Variants in PSTPIP1 observed in about 807,000 individuals in gnomAD.
PSTPIP1 encodes the protein proline-serine-threonine phosphatase-interacting protein 1.
PSTPIP1 carries 66 observed loss-of-function variants against 69.6 expected under a neutral mutation model. The observed-to-expected ratio is 0.95, with a 90% CI of 0.78 to 1.16. PSTPIP1 has a LOEUF of 1.16. Ranked by LOEUF, PSTPIP1 falls within the 50% of genes most tolerant of loss-of-function variation. The pLI is 0.00. For missense variants in PSTPIP1, 603 were observed against 557.4 expected (o/e 1.08, Z -0.82); for synonymous variants, 266 against 222.7 (o/e 1.19, Z -1.73).
At chr15:77,017,224 C>T (rs780442836) in intron 1 of PSTPIP1, among the ~76,000 whole-genome samples, 3 of 152,106 alleles carry the variant, frequency 2.0e-5, no homozygotes, top group Non-Finnish European at 4.4e-5. Flanking sequence ...TCCTGGGAGA[C>T]CTCTGTTCCT....
chr15:77,027,939 G>C lies in PSTPIP1; in HGVS notation c.417+25G>C. Reference sequence around the variant, plus strand: ...GGTGAGCGCCAGGGCCTGGGGCCGCGGCCTTCCCTCGAGGAGCAGCGCAGG... The same window carrying C: ...GGTGAGCGCCAGGGCCTGGGGCCGCCGCCTTCCCTCGAGGAGCAGCGCAGG... On this transcript the variant is annotated intron_variant, in intron 6 of 14. Transcript: ENST00000558012. This position sits in a 1 kb window ranked among gnomAD's most constrained non-coding sequence, Gnocchi z 4.3. 6.5e-7 allele frequency: 1 copy of C among 1,539,412 alleles called. No individual in the cohort carries two copies. The highest frequency in any genetic ancestry group is 1.2e-5 in the South Asian group (1 of 83,732).
intron 1 of PSTPIP1, among the ~76,000 whole-genome samples, chr15:77,012,192 CCTGTCCATCCATCCATCCGTCCACCCAT>C (rs1568492676): frequency 8.3e-6 from 1 of 120,110 alleles, no homozygotes; most frequent in Admixed American, 8.9e-5. Context: ...CACCCATCCA[CCTGTCCATCCATCCATCCGTCCACCCAT>C]CTGTCCATCC....
chr15:77,011,108 T>C (rs2075926104), intron 1 of PSTPIP1, among the ~76,000 whole-genome samples: 1 of 152,176 alleles, frequency 6.6e-6, no homozygotes, highest in Non-Finnish European at 1.5e-5. Context: ...GAACAAAGCT[T>C]TCAAGCCAGA....
At chr15:77,002,025 A>G (rs1433891859) in intron 1 of PSTPIP1, among the ~76,000 whole-genome samples, 1 of 152,258 alleles carries the variant, frequency 6.6e-6, no homozygotes, top group East Asian at 1.9e-4. Flanking sequence ...TTCAAGTCCC[A>G]TGAAGAATTT....
chr15:77,035,610 G>A (rs891360902), intron 13 of PSTPIP1, 47 bp downstream of exon 13: 4 of 1,538,802 alleles, frequency 2.6e-6, no homozygotes, highest in African/African-American at 1.4e-5. Flanking sequence ...ATCCTGGGGG[G>A]GAGGAGAGGT....
At chr15:77,021,051 G>A (rs62007212) in intron 3 of PSTPIP1, among the ~76,000 whole-genome samples, 30,079 of 152,152 alleles carry the variant, frequency 0.2, 3,089 homozygotes, top group South Asian at 0.24. Flanking sequence ...AACGGGCAGG[G>A]GACTGGGGGA....
At position 77,031,185 on chromosome 15, in the gene PSTPIP1, T is replaced by C. The variant is rs763249966; in HGVS notation, c.648T>C (p.Phe216=). Residue 216 remains phenylalanine, a synonymous_variant, in exon 10 of 15, where the codon TTT becomes TTC. Coordinates refer to ENST00000558012, the MANE Select transcript of PSTPIP1 (RefSeq NM_003978.5). ...CTCCCTCCCACTGCCCCCAGGCCTT[T>C]CAGCTGCAAGAGTTTGACCGGCTGA... ...EQEHRTTCEA[F]QLQEFDRLTI... is the part of the protein sequence containing the mutation. 5.0e-6 allele frequency: 8 copies of C among 1,612,312 alleles called. No individual in the cohort carries two copies. Among genetic ancestry groups the C allele is most frequent in the Admixed American group, 1.7e-5 (1 of 59,982 alleles).
In PSTPIP1 at chr15:76,995,509, G is replaced by T. The variant is rs771119941; in HGVS notation, c.-65G>T. On this transcript the variant is annotated 5_prime_UTR_variant, in exon 1 of 15. Transcript: ENST00000558012. ...CCAGGACTGGGACGCTGCTGCTGGC[G>T]CCTGGCCCTCCATCAGGCCAGCCTG... 3.7e-6 allele frequency: 6 copies of T among 1,612,604 alleles called. No homozygotes were observed. Among genetic ancestry groups the T allele is most frequent in the South Asian group, 1.1e-5 (1 of 90,994 alleles).
intron 1 of PSTPIP1, among the ~76,000 whole-genome samples, chr15:77,002,420 C>T (rs546806361): frequency 1.3e-5 from 2 of 152,348 alleles, no homozygotes; most frequent in African/African-American, 4.8e-5. Context: ...CAAGTCAATA[C>T]AGAGTACCTT....
chr15:77,029,379 T>C, intron 7 of PSTPIP1, 150 bp from the exon 8 acceptor site: 1 of 836,284 alleles, frequency 1.2e-6, no homozygotes, highest in South Asian at 1.7e-5. Context: ...GGGCGGAGGT[T>C]GCTTGTGGAT....
intron 12 of PSTPIP1, among the ~76,000 whole-genome samples, chr15:77,033,818 AGG>A (rs1044860691): frequency 1.2e-5 from 1 of 86,498 alleles, no homozygotes; most frequent in Admixed American, 9.7e-5. Context: ...GTGCTTAGAG[AGG>A]GCACACACAC....
intron 4 of PSTPIP1, 73 bp from the exon 5 acceptor site, chr15:77,025,425 C>T (rs2076257269): frequency 1.3e-6 from 2 of 1,586,920 alleles, no homozygotes; most frequent in Admixed American, 3.4e-5. Flanking sequence ...GGCTGGCCCA[C>T]ACGGGTGAGT....
chr15:77,029,517 C>CT lies in PSTPIP1; in HGVS notation c.517-11dup. ...GCAGGGGCTTAGCGCTGCTTCCCCTCTGTTTCCTCAGAGTCAGAACAAAGC... is the reference window on the plus strand; with the variant it reads ...GCAGGGGCTTAGCGCTGCTTCCCCTCTTGTTTCCTCAGAGTCAGAACAAAGC... On this transcript the variant is annotated splice_polypyrimidine_tract_variant and intron_variant, in intron 7 of 14. Coordinates refer to ENST00000558012, the MANE Select transcript of PSTPIP1 (RefSeq NM_003978.5). 6.4e-7 allele frequency: 1 copy of CT among 1,574,086 alleles called. No individual in the cohort carries two copies. Among genetic ancestry groups the CT allele is most frequent in the Non-Finnish European group, 8.6e-7 (1 of 1,160,712 alleles).
rs758725770 is a variant in PSTPIP1, at chr15:76,995,372, A to T, written c.-202A>T. The T allele has an allele frequency of 7.0e-7, 1 of 1,437,868 alleles. No homozygotes were observed. The highest frequency in any genetic ancestry group is 2.5e-5 in the East Asian group (1 of 39,862). 89.1% of individuals were successfully genotyped at this position (1,437,868 alleles called of 1,614,324 possible). On this transcript the variant is annotated 5_prime_UTR_variant, in exon 1 of 15. Coordinates refer to ENST00000558012, the MANE Select transcript of PSTPIP1 (RefSeq NM_003978.5). ...CATTTTGCTGCTGATTCTAGCCCCAAACAAAACAGGTTGAGCTTTTTCCTC... is the reference window on the plus strand; with the variant it reads ...CATTTTGCTGCTGATTCTAGCCCCATACAAAACAGGTTGAGCTTTTTCCTC...
At chr15:77,034,485 C>A (rs543079840) in intron 12 of PSTPIP1, among the ~76,000 whole-genome samples, 9 of 152,106 alleles carry the variant, frequency 5.9e-5, no homozygotes, top group Non-Finnish European at 1.2e-4. Context: ...GGCTGCCCCC[C>A]ACAGGCCCCT....
At chr15:77,025,192 C>A (rs2076250035) in intron 3 of PSTPIP1, 92 bp from the exon 4 acceptor site, 1 of 1,391,688 alleles carries the variant, frequency 7.2e-7, no homozygotes, top group Non-Finnish European at 1.0e-6. Flanking sequence ...AAATAAAAGT[C>A]CTCCCCACTG....
intron 1 of PSTPIP1, among the ~76,000 whole-genome samples, chr15:77,005,794 A>G (rs1270826815): frequency 6.6e-6 from 1 of 152,254 alleles, no homozygotes; most frequent in Non-Finnish European, 1.5e-5. Context: ...TTCAAGGCTC[A>G]TCCATGTCAT....
At position 77,029,560 on chromosome 15, in the gene PSTPIP1, C is replaced by T. The variant is rs772549153; in HGVS notation, c.548C>T (p.Ser183Leu). 68 of 1,582,960 alleles carry T rather than the reference C, an allele frequency of 4.3e-5. No homozygotes were observed. Among genetic ancestry groups the T allele is most frequent in the Admixed American group, 2.9e-4 (16 of 55,512 alleles). The change falls in exon 8 of 15, where the codon TCG becomes TTG. Residue 183 changes from serine (S) to leucine (L), a missense_variant. Ser to Leu is a moderately radical substitution (Grantham distance 145, BLOSUM62 -2). Transcript: ENST00000558012. ...SQNKARQCKD[S>L]ATEAERVYRQ... ...AACAAAGCCAGGCAGTGCAAGGACTCGGCCACCGAGGCAGGTATGTGGGCC... is the reference window on the plus strand; with the variant it reads ...AACAAAGCCAGGCAGTGCAAGGACTTGGCCACCGAGGCAGGTATGTGGGCC...
intron 1 of PSTPIP1, among the ~76,000 whole-genome samples, chr15:77,000,382 C>T (rs921437981): frequency 6.6e-6 from 1 of 151,878 alleles, no homozygotes; most frequent in Non-Finnish European, 1.5e-5. Flanking sequence ...ACCCCCAGAC[C>T]TGTCTACCAT....
Sources: allele counts gnomAD v4.1 joint callset (sites outside exome capture counted in the v4.1 genomes callset), GRCh38; gene constraint gnomAD v4.1.1; non-coding constraint Gnocchi (gnomAD v3.1); transcripts MANE v1.5; gene names NCBI Gene and HGNC (gene_info 2026-07-23, HGNC 2026-07-21).